The following SLC25A16 variants were observed in gnomAD, a reference collection of about 807,000 sequenced individuals.
SLC25A16 encodes solute carrier family 25 member 16, also known as mitochondrial coenzyme A transporter SLC25A16.
In SLC25A16, 39 loss-of-function variants were observed where a neutral mutation model predicts 41.5. The ratio of observed to expected loss-of-function variants is 0.94; its 90% CI spans 0.73 to 1.23. The LOEUF (loss-of-function observed/expected upper bound fraction) is 1.23, where lower values mean the gene tolerates loss of function less well. SLC25A16 is among the 50% of genes most tolerant of loss of function. The pLI is 0.00. For synonymous variants in SLC25A16, 146 were observed against 147.8 expected, an observed-to-expected ratio of 0.99 and a Z score of 0.09; for missense variants, 421 against 426.9, an observed-to-expected ratio of 0.99 and a Z score of 0.12.
At chr10:68,509,583 G>A (rs2053018226) in intron 2 of SLC25A16, among the ~76,000 whole-genome samples, 1 of 151,106 alleles carries the variant, frequency 6.6e-6, no homozygotes, top group African/African-American at 2.4e-5. Flanking sequence ...CTGCGTGGTG[G>A]CGCTCGCAAT....
chr10:68,500,108 A>G, intron 4 of SLC25A16: 1 of 182,302 alleles, frequency 5.5e-6, no homozygotes, highest in Non-Finnish European at 1.1e-5. Flanking sequence ...GACGAGGGAC[A>G]GGGAAAAGTT....
Position 68,527,336 on chromosome 10 carries a change from C to T in SLC25A16, c.40G>A (p.Asp14Asn), listed in dbSNP as rs1478902758. 5 of 1,531,506 alleles carry T rather than the reference C, an allele frequency of 3.3e-6. No individual in the cohort carries two copies. The highest frequency in any genetic ancestry group is 5.1e-5 in the East Asian group (2 of 39,426). The allele number at this position is 1,531,506 out of a possible 1,614,324, so 94.9% of individuals were successfully genotyped here. A position where few individuals can be genotyped will look rare whatever the true frequency, so the allele number is the denominator to read the frequency against. ...ATAAAALAAA[D>N]PPPAMPQAAG... is the part of the protein sequence containing the mutation. ...GCCTGCGGCATTGCGGGAGGGGGAT[C>T]GGCCGCCGCCAGGGCTGCCGCGGCC... The change falls in exon 1 of 9, where the codon GAT becomes AAT. Residue 14 changes from aspartate to asparagine, a missense_variant. Coordinates refer to ENST00000609923, the MANE Select transcript of SLC25A16 (RefSeq NM_152707.4).
intron 2 of SLC25A16, among the ~76,000 whole-genome samples, chr10:68,515,729 C>T (rs1478432940): frequency 6.6e-6 from 1 of 151,820 alleles, no homozygotes. Context: ...ACCTGGGAGG[C>T]AGAGGTTGCA....
At chr10:68,483,879 GT>G (rs1395490050) in intron 8 of SLC25A16, among the ~76,000 whole-genome samples, 3 of 152,112 alleles carry the variant, frequency 2.0e-5, no homozygotes, top group Admixed American at 6.6e-5. Context: ...GCCCAGGCCA[GT>G]CTCAAACTCC....
chr10:68,495,471 T>C (rs1458098524), intron 4 of SLC25A16, among the ~76,000 whole-genome samples: 1 of 151,052 alleles, frequency 6.6e-6, no homozygotes, highest in African/African-American at 2.4e-5. Flanking sequence ...TTGACCAAAA[T>C]GGTCAAAAGT....
In SLC25A16 at chr10:68,480,569, TC is replaced by T. The variant is rs1448855188; in HGVS notation, c.*2862del. 1 of 140,066 alleles carries T rather than the reference TC, an allele frequency of 7.1e-6. No homozygotes were observed. The highest frequency in any genetic ancestry group is 1.5e-5 in the Non-Finnish European group (1 of 66,026). The allele number at this position is 140,066 out of a possible 1,614,324, so 8.7% of individuals were successfully genotyped here. A position where few individuals can be genotyped will look rare whatever the true frequency, so the allele number is the denominator to read the frequency against. The stretch of plus-strand genomic sequence containing the variant: ...TAGAATGCAGTGGCACGATCTCGGC[TC>T]ACTGCAAGCTCCGCCTCCCAGGTTC... On this transcript the variant is annotated 3_prime_UTR_variant, in exon 9 of 9. Transcript: ENST00000609923.
At chr10:68,520,531 G>T (rs1454515767) in intron 1 of SLC25A16, among the ~76,000 whole-genome samples, 5 of 151,906 alleles carry the variant, frequency 3.3e-5, no homozygotes, top group African/African-American at 1.2e-4. Flanking sequence ...CAAAAATTAG[G>T]CCAGGCGCAG....
chr10:68,503,573 T>C, intron 4 of SLC25A16, 59 bp downstream of exon 4: 1 of 1,150,182 alleles, frequency 8.7e-7, no homozygotes, highest in Admixed American at 2.0e-5. Flanking sequence ...CTAAACCAAA[T>C]TAAATATTTT....
chr10:68,517,679 T>C (rs2053181927), intron 1 of SLC25A16: 1 of 151,950 alleles, frequency 6.6e-6, no homozygotes, highest in African/African-American at 2.4e-5. Flanking sequence ...AAAAAATTTT[T>C]TAAAATCGGC....
chr10:68,511,891 C>G (rs12263719), intron 2 of SLC25A16, among the ~76,000 whole-genome samples: 1 of 151,692 alleles, frequency 6.6e-6, no homozygotes, highest in African/African-American at 2.4e-5. Flanking sequence ...GGTTCTCACT[C>G]TATCGCCCAG....
At chr10:68,496,698 G>A in intron 4 of SLC25A16, 1 of 955,574 alleles carries the variant, frequency 1.0e-6, no homozygotes, top group South Asian at 4.8e-5. Context: ...AATCCCAGGA[G>A]TTATGGGAAA....
At position 68,488,497 on chromosome 10, in the gene SLC25A16, C is replaced by G; in HGVS notation, c.743G>C (p.Gly248Ala). Residue 248 changes from glycine (G) to alanine (A), a missense_variant, in exon 7 of 9, where the codon GGT becomes GCT. Coordinates refer to ENST00000609923, the MANE Select transcript of SLC25A16 (RefSeq NM_152707.4). ...TGTCTGCGCTATTGCTCCAGCAACA[C>G]CACCACAAAGTAAGTTTACATGAGT... is the stretch of plus-strand genomic sequence containing the variant. ...LKTHVNLLCG[G>A]VAGAIAQTIS... 4 of 1,563,118 alleles carry G rather than the reference C, an allele frequency of 2.6e-6. No homozygotes were observed. Among genetic ancestry groups the G allele is most frequent in the Non-Finnish European group, 3.4e-6 (4 of 1,163,814 alleles).
At chr10:68,521,872 C>T (rs1590130150) in intron 1 of SLC25A16, among the ~76,000 whole-genome samples, 1 of 151,408 alleles carries the variant, frequency 6.6e-6, no homozygotes, top group East Asian at 2.0e-4. Flanking sequence ...GCTGGGATTA[C>T]AGGCGTGAGC....
intron 1 of SLC25A16, among the ~76,000 whole-genome samples, chr10:68,520,039 C>T (rs2053225190): frequency 6.7e-6 from 1 of 149,066 alleles, no homozygotes; most frequent in Non-Finnish European, 1.5e-5. Flanking sequence ...CAACCTTCAC[C>T]TCCCAGGTTC....
chr10:68,506,400 A>C (rs762354904), intron 3 of SLC25A16, among the ~76,000 whole-genome samples, 185 bp downstream of exon 3: 1 of 152,046 alleles, frequency 6.6e-6, no homozygotes, highest in Non-Finnish European at 1.5e-5. Flanking sequence ...GCCTTTCAAA[A>C]TCGTGCCACT....
At position 68,487,225 on chromosome 10, in the gene SLC25A16, A is replaced by G; in HGVS notation, c.774-13T>C. 1 of 1,611,036 alleles carries G rather than the reference A, an allele frequency of 6.2e-7. No homozygotes were observed. The highest frequency in any genetic ancestry group is 8.5e-7 in the Non-Finnish European group (1 of 1,178,166). On this transcript the variant is annotated splice_polypyrimidine_tract_variant and intron_variant, in intron 7 of 8. Coordinates refer to ENST00000609923, the MANE Select transcript of SLC25A16 (RefSeq NM_152707.4). ...ATCAAATGGGTAGCTAAAAGAAGAA[A>G]AAGGCATAAAGAATTAAAAATTTTT...
intron 4 of SLC25A16, among the ~76,000 whole-genome samples, chr10:68,495,357 G>A (rs959168753): frequency 4.6e-5 from 7 of 152,064 alleles, no homozygotes; most frequent in African/African-American, 7.2e-5. Flanking sequence ...AGAGGTTGCG[G>A]TGAGCCAAGA....
intron 8 of SLC25A16, among the ~76,000 whole-genome samples, chr10:68,484,600 G>A (rs1469882559): frequency 2.8e-4 from 42 of 150,134 alleles, no homozygotes; most frequent in Admixed American, 2.8e-3. Flanking sequence ...TAAATTTTTT[G>A]TTTGTTTGTT....
At chr10:68,523,546 CACA>C (rs1372900150) in intron 1 of SLC25A16, among the ~76,000 whole-genome samples, 1 of 152,090 alleles carries the variant, frequency 6.6e-6, no homozygotes, top group African/African-American at 2.4e-5. Flanking sequence ...GATCTTGTCT[CACA>C]ACAACCTCCA....
Sources: gnomAD v4.1 joint callset for allele counts (sites outside exome capture counted in the v4.1 genomes callset) on GRCh38, gnomAD v4.1.1 for gene constraint, MANE v1.5 for transcripts, NCBI Gene and HGNC (gene_info 2026-07-23, HGNC 2026-07-21) for gene names.